TRIM16: variants seen among roughly 807,000 people sequenced by gnomAD.
TRIM16 encodes tripartite motif containing 16.
A neutral mutation model predicts 50.4 loss-of-function variants in TRIM16; 33 were observed. That is an observed-to-expected ratio of 0.65 (90% CI 0.50 to 0.88). The LOEUF (loss-of-function observed/expected upper bound fraction) is 0.88. TRIM16 is among the 40% of genes least tolerant of loss of function. The pLI is 0.00. For missense variants in TRIM16, 581 were observed against 686.8 expected (o/e 0.85, Z 1.72); for synonymous variants, 229 against 270.7 (o/e 0.85, Z 1.51).
At chr17:15,643,779 G>A (rs1987223097) in intron 7 of TRIM16, among the ~76,000 whole-genome samples, 1 of 152,228 alleles carries the variant, frequency 6.6e-6, no homozygotes, top group Non-Finnish European at 1.5e-5. Context: ...ATGGAGTTGA[G>A]CCTAGGCTGA....
intron 8 of TRIM16, among the ~76,000 whole-genome samples, chr17:15,640,614 T>A (rs1987072645): frequency 6.7e-6 from 1 of 149,358 alleles, no homozygotes; most frequent in Non-Finnish European, 1.5e-5. Context: ...ATTACTAGAT[T>A]TAAATCTAAA....
chr17:15,662,678 T>C (rs1190377586), intron 6 of TRIM16, among the ~76,000 whole-genome samples: 2 of 152,184 alleles, frequency 1.3e-5, no homozygotes, highest in African/African-American at 2.4e-5. Flanking sequence ...AGCACCATCA[T>C]AGCTGACTAC....
At chr17:15,664,783 C>G (rs957284549) in intron 6 of TRIM16, among the ~76,000 whole-genome samples, 1 of 152,052 alleles carries the variant, frequency 6.6e-6, no homozygotes, top group Non-Finnish European at 1.5e-5. Flanking sequence ...TCCTGTCATC[C>G]CAGCGCTCTG....
At chr17:15,647,680 A>G (rs1427567039) in intron 7 of TRIM16, among the ~76,000 whole-genome samples, 1 of 152,200 alleles carries the variant, frequency 6.6e-6, no homozygotes, top group East Asian at 1.9e-4. Context: ...CCTGGAGGCT[A>G]GACAGTGCAG....
intron 7 of TRIM16, among the ~76,000 whole-genome samples, chr17:15,644,988 G>A (rs1413611309): frequency 2.0e-5 from 3 of 151,978 alleles, no homozygotes; most frequent in Admixed American, 6.6e-5. Flanking sequence ...GTTAATTTTT[G>A]TATTTTTAGT....
At chr17:15,660,772 C>CCTGTAGT (rs1567683390) in intron 6 of TRIM16, among the ~76,000 whole-genome samples, 1 of 151,946 alleles carries the variant, frequency 6.6e-6, no homozygotes, top group Non-Finnish European at 1.5e-5. Flanking sequence ...GTGGCAGGCG[C>CCTGTAGT]CTGTAGTCCC....
At chr17:15,642,382 C>G (rs899475799) in intron 8 of TRIM16, among the ~76,000 whole-genome samples, 1 of 149,100 alleles carries the variant, frequency 6.7e-6, no homozygotes, top group South Asian at 2.2e-4. Flanking sequence ...GCCAAGATAA[C>G]GTATAGTTTT....
chr17:15,658,756 G>A, intron 6 of TRIM16: 4 of 962,800 alleles, frequency 4.2e-6, no homozygotes, highest in Non-Finnish European at 4.9e-6. Context: ...TGAGCTGGAA[G>A]TCGCATCACT....
In TRIM16 at chr17:15,680,856, C is replaced by G; in HGVS notation, c.-590+9G>C. On this transcript the variant is annotated intron_variant, in intron 4 of 11. Transcript: ENST00000649191. Reference sequence around the variant, plus strand: ...AATTTCCAAGAAGAGAGGAAAATCCCCAACTCACCTGGGACTCTGCTGTCC... The same window carrying G: ...AATTTCCAAGAAGAGAGGAAAATCCGCAACTCACCTGGGACTCTGCTGTCC... The G allele has an allele frequency of 6.5e-7, 1 of 1,534,446 alleles. No homozygotes were observed.
At chr17:15,652,710 C>T (rs975987337) in intron 6 of TRIM16, among the ~76,000 whole-genome samples, 5 of 152,150 alleles carry the variant, frequency 3.3e-5, no homozygotes, top group African/African-American at 1.2e-4. Flanking sequence ...ATCTGCCTGC[C>T]TGGGCTTCCC....
chr17:15,631,575 A>G, intron 11 of TRIM16, 44 bp downstream of exon 11: 1 of 1,606,278 alleles, frequency 6.2e-7, no homozygotes, highest in Non-Finnish European at 8.5e-7. Context: ...AAAGCACTGC[A>G]CTGATATCAA....
chr17:15,672,968 T>C (rs1455717970), intron 6 of TRIM16, among the ~76,000 whole-genome samples: 5 of 152,368 alleles, frequency 3.3e-5, no homozygotes, highest in East Asian at 1.9e-4. Flanking sequence ...CAATTCACTA[T>C]AGTACAATCC....
At chr17:15,661,631 A>G (rs912043036) in intron 6 of TRIM16, among the ~76,000 whole-genome samples, 6 of 152,102 alleles carry the variant, frequency 3.9e-5, no homozygotes, top group Non-Finnish European at 7.4e-5. Context: ...CTGGTAATGA[A>G]GTATAATATA....
At chr17:15,631,526 A>G in intron 11 of TRIM16, 93 bp downstream of exon 11, 1 of 1,122,890 alleles carries the variant, frequency 8.9e-7, no homozygotes, top group South Asian at 1.5e-5. Flanking sequence ...AGTTGCAAGA[A>G]CCTGAAACCT....
rs1193629120 is a variant in TRIM16, at chr17:15,651,496, G to T, written c.114C>A (p.Ser38Arg). The T allele has an allele frequency of 6.2e-7, 1 of 1,612,518 alleles. No homozygotes were observed. Among genetic ancestry groups the T allele is most frequent in the Non-Finnish European group, 8.5e-7 (1 of 1,179,086 alleles). Residue 38 changes from serine (S) to arginine (R), a missense_variant, in exon 7 of 12, where the codon AGC becomes AGA. Coordinates refer to ENST00000649191, the MANE Select transcript of TRIM16 (RefSeq NM_001348119.1). ...AGCCCACGTCCTCTTCTTCCACTGG[G>T]CTGGCTGACCCAGAATCTGGGCTGG... is the stretch of plus-strand genomic sequence containing the variant. ...GSPSPDSGSA[S>R]PVEEEDVGSS...
chr17:15,651,950 GA>G lies in TRIM16; in HGVS notation c.-337-5del. 8.1e-7 allele frequency: 1 copy of G among 1,230,836 alleles called. No homozygotes were observed. The highest frequency in any genetic ancestry group is 1.0e-6 in the Non-Finnish European group (1 of 978,026). The allele number at this position is 1,230,836 out of a possible 1,614,324, so 76.2% of individuals were successfully genotyped here. On this transcript the variant is annotated splice_polypyrimidine_tract_variant and splice_region_variant and intron_variant, in intron 6 of 11. Transcript: ENST00000649191. ...ACCACGTGTCTCTGTGCCTGCTCTG[GA>G]AAGGACAGAAGATTCCTGAGCTCTG...
At chr17:15,629,765 G>A (rs1476884945) in intron 11 of TRIM16, among the ~76,000 whole-genome samples, 1 of 152,122 alleles carries the variant, frequency 6.6e-6, no homozygotes, top group African/African-American at 2.4e-5. Flanking sequence ...CATTTGTTTT[G>A]CCCTCATCCT....
chr17:15,683,270 A>G, intron 1 of TRIM16, 113 bp from the exon 2 acceptor site: 1 of 865,154 alleles, frequency 1.2e-6, no homozygotes. Flanking sequence ...TTTGAGCTAA[A>G]GCTAAACTCA....
At chr17:15,657,407 T>C (rs2150924370) in intron 6 of TRIM16, among the ~76,000 whole-genome samples, 1 of 152,362 alleles carries the variant, frequency 6.6e-6, no homozygotes, top group East Asian at 1.9e-4. Context: ...TGGCTCATTA[T>C]AACCATTGGT....
Sources: gnomAD v4.1 joint callset for allele counts (sites outside exome capture counted in the v4.1 genomes callset) on GRCh38, gnomAD v4.1.1 for gene constraint, MANE v1.5 for transcripts, NCBI Gene and HGNC (gene_info 2026-07-23, HGNC 2026-07-21) for gene names.